RAB27A: variants seen among roughly 807,000 people sequenced by gnomAD.
RAB27A encodes the protein ras-related protein Rab-27A.
RAB27A carries 17 observed loss-of-function variants against 20.8 expected under a neutral mutation model. That is an observed-to-expected ratio of 0.82 (90% confidence interval 0.56 to 1.23). The LOEUF (loss-of-function observed/expected upper bound fraction) is 1.23, where lower values mean the gene tolerates loss of function less well. Ranked by LOEUF, RAB27A falls within the 50% of genes most tolerant of loss-of-function variation. The pLI is 0.00. For synonymous variants in RAB27A, 85 were observed against 92.8 expected (o/e 0.92, Z 0.48); for missense variants, 277 against 266.7 (o/e 1.04, Z -0.27).
chr15:55,254,392 AC>A (rs1000924547), intron 2 of RAB27A, among the ~76,000 whole-genome samples: 3 of 152,156 alleles, frequency 2.0e-5, no homozygotes, highest in African/African-American at 7.2e-5. Context: ...TAGATATATC[AC>A]TTTAAAACCA....
chr15:55,319,000 G>C (rs2055097287), exon 1 of RAB27A: 5 of 466,610 alleles, frequency 1.1e-5, no homozygotes, highest in Non-Finnish European at 1.2e-5. Flanking sequence ...GAGACCGGGG[G>C]CCTTCCAGCA....
chr15:55,287,984 C>T (rs915112775), intron 1 of RAB27A, among the ~76,000 whole-genome samples: 3 of 152,168 alleles, frequency 2.0e-5, no homozygotes, highest in Admixed American at 2.0e-4. Flanking sequence ...GGTGCCAAAA[C>T]TATTCAAAGA....
In RAB27A at chr15:55,266,213, C is replaced by T. The variant is rs762122665; in HGVS notation, c.-23+3952G>A. 5.9e-5 allele frequency among the ~76,000 whole-genome samples: 9 copies of T among 152,284 alleles called. No homozygotes were observed. In the East Asian group the frequency reaches 1.5e-3, roughly 26 times the overall value. On this transcript the variant is annotated intron_variant, in intron 2 of 6. Coordinates refer to ENST00000336787, the MANE Select transcript of RAB27A (RefSeq NM_183235.3). ...AGAGGCCAGAGAGCTACCTTTCTGC[C>T]TTGTGAGAATACAGTGAAAAGTCAA...
chr15:55,298,204 CAA>C (rs545657585), intron 2 of RAB27A, among the ~76,000 whole-genome samples: 4 of 63,478 alleles, frequency 6.3e-5, no homozygotes, highest in Admixed American at 1.8e-4. Context: ...GACTCCGTCT[CAA>C]AAAAAAAAAA....
At chr15:55,265,432 C>T (rs560192951) in intron 2 of RAB27A, among the ~76,000 whole-genome samples, 2 of 152,172 alleles carry the variant, frequency 1.3e-5, no homozygotes, top group African/African-American at 2.4e-5. Flanking sequence ...TACAGGCACA[C>T]ATAAGGACAA....
rs888513420 is a variant in RAB27A, at chr15:55,241,200, T to C, written c.-22-6244A>G. 3.9e-5 allele frequency among the ~76,000 whole-genome samples: 6 copies of C among 152,196 alleles called. No individual in the cohort carries two copies. The South Asian group carries it at 1.2e-3, about 32-fold the overall frequency. ...AAAAATAAGGATCTGCTAAGAGTAT[T>C]TGAAGCCAAGGTTATATATTTAAAC... On this transcript the variant is annotated intron_variant, in intron 2 of 6. Transcript: ENST00000336787.
At chr15:55,302,235 C>CGTG (rs1783994922) in intron 2 of RAB27A, among the ~76,000 whole-genome samples, 1 of 152,046 alleles carries the variant, frequency 6.6e-6, no homozygotes, top group Non-Finnish European at 1.5e-5. Context: ...CAACACCCGC[C>CGTG]GCCACGCCTG....
chr15:55,251,326 T>C (rs949369800), intron 2 of RAB27A, among the ~76,000 whole-genome samples: 2 of 152,092 alleles, frequency 1.3e-5, no homozygotes, highest in Admixed American at 6.6e-5. Flanking sequence ...AGAACAACCA[T>C]CATTGCGTCA....
At chr15:55,253,615 T>C (rs1187569243) in intron 2 of RAB27A, among the ~76,000 whole-genome samples, 2 of 152,118 alleles carry the variant, frequency 1.3e-5, no homozygotes, top group East Asian at 1.9e-4. Flanking sequence ...AGGCCATCTA[T>C]GGAAACAAAG....
At chr15:55,232,118 G>A (rs946936537) in intron 3 of RAB27A, among the ~76,000 whole-genome samples, 47 of 152,118 alleles carry the variant, frequency 3.1e-4, no homozygotes, top group African/African-American at 1.0e-3. Flanking sequence ...TAAACTGCCT[G>A]CAGTAGTATT....
chr15:55,309,450 A>T (rs2055011071), intron 2 of RAB27A, among the ~76,000 whole-genome samples: 1 of 152,206 alleles, frequency 6.6e-6, no homozygotes, highest in Non-Finnish European at 1.5e-5. Context: ...TGGGCAGCTA[A>T]AAGTAAATCA....
intron 6 of RAB27A, among the ~76,000 whole-genome samples, chr15:55,206,927 G>A (rs1483927336): frequency 6.6e-6 from 1 of 152,046 alleles, no homozygotes; most frequent in African/African-American, 2.4e-5. Flanking sequence ...CATATAACTT[G>A]CAAACGGGTT....
intron 6 of RAB27A, among the ~76,000 whole-genome samples, chr15:55,222,304 TTCAGCTGAGC>T (rs1284379872): frequency 3.1e-4 from 47 of 152,208 alleles, no homozygotes; most frequent in Admixed American, 1.2e-3. Flanking sequence ...ATGGGAATCC[TTCAGCTGAGC>T]TAGCCTTGAG....
intron 5 of RAB27A, among the ~76,000 whole-genome samples, chr15:55,226,523 G>A (rs1895803042): frequency 6.6e-6 from 1 of 152,028 alleles, no homozygotes; most frequent in South Asian, 2.1e-4. Context: ...GTGTGTGTGT[G>A]TGTGTGTGTG....
chr15:55,268,606 C>T (rs1377909199), intron 2 of RAB27A, among the ~76,000 whole-genome samples: 9 of 152,104 alleles, frequency 5.9e-5, no homozygotes, highest in Non-Finnish European at 1.3e-4. Flanking sequence ...TAAGTAAACA[C>T]GTACACACTC....
chr15:55,236,016 G>C (rs1354539436), intron 2 of RAB27A, among the ~76,000 whole-genome samples: 2 of 152,094 alleles, frequency 1.3e-5, no homozygotes, highest in Non-Finnish European at 2.9e-5. Flanking sequence ...CGGGTGGAAA[G>C]GGTGGGAGGC....
intron 3 of RAB27A, among the ~76,000 whole-genome samples, chr15:55,231,587 C>T (rs1433697318): frequency 6.6e-6 from 1 of 152,168 alleles, no homozygotes; most frequent in East Asian, 1.9e-4. Flanking sequence ...CCATCCCCCT[C>T]ACTCAAGCTT....
At chr15:55,241,758 T>C (rs1448273735) in intron 2 of RAB27A, among the ~76,000 whole-genome samples, 1 of 150,974 alleles carries the variant, frequency 6.6e-6, no homozygotes, top group African/African-American at 2.4e-5. Flanking sequence ...CAGTAAGATA[T>C]GCTCACATCA....
rs550794535 is a variant in RAB27A at position 55,209,843 on chromosome 15, CACATATATGTGTGTAT to C, written c.468-4154_468-4139del. Among the ~76,000 whole-genome samples the C allele has an allele frequency of 1.3e-3, 137 of 109,552 alleles. 15 individuals carry two copies. In the East Asian group the frequency reaches 0.03, roughly 24 times the overall value. 71.9% of individuals were successfully genotyped at this position (109,552 alleles called of 152,430 possible). On this transcript the variant is annotated intron_variant, in intron 6 of 6. Coordinates refer to ENST00000336787, the MANE Select transcript of RAB27A (RefSeq NM_183235.3). The stretch of plus-strand genomic sequence containing the variant: ...GTGTATATATACATATATGTGTGTA[CACATATATGTGTGTAT>C]ATACATATATACATATATGTGTGTG...
Sources: gnomAD v4.1 joint callset for allele counts (sites outside exome capture counted in the v4.1 genomes callset) on GRCh38, gnomAD v4.1.1 for gene constraint, MANE v1.5 for transcripts, NCBI Gene and HGNC (gene_info 2026-07-23, HGNC 2026-07-21) for gene names.